The following PLD5 variants were observed in gnomAD, a reference collection of about 807,000 sequenced individuals.
PLD5 encodes phospholipase D family member 5.
In PLD5, 36 loss-of-function variants were observed where a neutral mutation model predicts 61.1. The observed-to-expected ratio is 0.59, with a 90% CI of 0.45 to 0.78. The LOEUF (loss-of-function observed/expected upper bound fraction) is 0.78, where lower values mean the gene tolerates loss of function less well. Ranked by LOEUF, PLD5 falls within the 30% of genes least tolerant of loss-of-function variation. PLD5 has a pLI of 0.00. For missense variants in PLD5, 515 were observed against 644.4 expected (o/e 0.80, Z 2.17); for synonymous variants, 243 against 242.8 (o/e 1.00, Z -0.01).
intron 5 of PLD5, among the ~76,000 whole-genome samples, chr1:242,163,142 C>CTTTT (rs1484018271): frequency 7.6e-6 from 1 of 131,146 alleles, no homozygotes. Flanking sequence ...ATTTTCTTTT[C>CTTTT]TTTTCTTTCT....
At chr1:242,287,510 A>G (rs893075841) in intron 3 of PLD5, among the ~76,000 whole-genome samples, 28 of 152,030 alleles carry the variant, frequency 1.8e-4, no homozygotes, top group Non-Finnish European at 3.5e-4. Flanking sequence ...GTAACTTTTG[A>G]CTTTAAAATA....
rs144390106 is a variant in PLD5 at position 242,303,746 on chromosome 1, T to C, written c.327-15216A>G. On this transcript the variant is annotated intron_variant, in intron 2 of 9. Coordinates refer to ENST00000536534, the MANE Select transcript of PLD5 (RefSeq NM_001372062.1). ...AAACGAAGAGCCAGGAAAAAGATAG[T>C]AGAGCAGACTCAAGTCCTTGACACC... Among the ~76,000 whole-genome samples the C allele has an allele frequency of 9.8e-4, 149 of 152,336 alleles. 2 individuals carry two copies. In the East Asian group the frequency reaches 0.021, roughly 22 times the overall value.
intron 1 of PLD5, among the ~76,000 whole-genome samples, chr1:242,485,245 A>G (rs1178686206): frequency 1.3e-5 from 2 of 152,214 alleles, no homozygotes; most frequent in Middle Eastern, 3.2e-3. Flanking sequence ...AGGGTATTCA[A>G]TTAGGAAAAA....
chr1:242,154,553 AG>A (rs1398883000), intron 5 of PLD5, among the ~76,000 whole-genome samples: 5 of 152,260 alleles, frequency 3.3e-5, no homozygotes, highest in African/African-American at 1.2e-4. Context: ...TTTAGCACGA[AG>A]GGGTGTTGAA....
rs773778605 is a variant in PLD5 at position 242,086,245 on chromosome 1, CA to C, written c.*3608del. The C allele has an allele frequency of 6.6e-6, 1 of 152,136 alleles. No individual in the cohort carries two copies. Among genetic ancestry groups the C allele is most frequent in the Non-Finnish European group, 1.5e-5 (1 of 68,042 alleles). The allele number at this position is 152,136 out of a possible 1,614,324, so 9.4% of individuals were successfully genotyped here. A position where few individuals can be genotyped will look rare whatever the true frequency, so the allele number is the denominator to read the frequency against. ...AATGGTGCCCAGAGTTACACAGGTG[CA>C]AAGTGTATCCGCAGACCTTTTGTTT... On this transcript the variant is annotated 3_prime_UTR_variant, in exon 10 of 10. Transcript: ENST00000536534.
intron 5 of PLD5, among the ~76,000 whole-genome samples, chr1:242,129,939 C>T (rs1359812061): frequency 1.3e-5 from 2 of 152,144 alleles, no homozygotes; most frequent in African/African-American, 4.8e-5. Context: ...TAGTGGCCTC[C>T]AGTTCCATCC....
chr1:242,194,616 ATGTATCTATCT>A (rs1668504357), intron 5 of PLD5, among the ~76,000 whole-genome samples: 1 of 65,608 alleles, frequency 1.5e-5, no homozygotes, highest in African/African-American at 5.7e-5. Flanking sequence ...GTATCTATCT[ATGTATCTATCT>A]ATCTATCTAT....
chr1:242,169,412 C>T (rs316891), intron 5 of PLD5, among the ~76,000 whole-genome samples: 127,426 of 152,142 alleles, frequency 0.84, 53,865 homozygotes, highest in African/African-American at 0.95. Flanking sequence ...CCAGCCCTGA[C>T]ACTGCACTTT....
intron 4 of PLD5, among the ~76,000 whole-genome samples, chr1:242,228,869 TC>T (rs1401158552): frequency 6.6e-6 from 1 of 152,200 alleles, no homozygotes; most frequent in Non-Finnish European, 1.5e-5. Context: ...TTCATGACTT[TC>T]TGTGAGTTCC....
At chr1:242,518,331 G>A (rs570589348) in intron 1 of PLD5, among the ~76,000 whole-genome samples, 14 of 152,236 alleles carry the variant, frequency 9.2e-5, no homozygotes, top group African/African-American at 2.6e-4. Context: ...CAACATTTAC[G>A]TTGTACCCTA....
intron 1 of PLD5, among the ~76,000 whole-genome samples, chr1:242,451,772 A>G (rs762153503): frequency 2.2e-4 from 34 of 152,016 alleles, no homozygotes; most frequent in Non-Finnish European, 7.4e-5. Flanking sequence ...AAATTCTTGA[A>G]TGGCAACCTA....
intron 5 of PLD5, among the ~76,000 whole-genome samples, chr1:242,144,490 A>G (rs190415255): frequency 3.9e-5 from 6 of 152,246 alleles, no homozygotes; most frequent in Admixed American, 3.9e-4. Flanking sequence ...GGGGATAGAG[A>G]ATGAAAACAG....
chr1:242,103,532 A>T (rs1329680944), intron 8 of PLD5, among the ~76,000 whole-genome samples: 2 of 152,310 alleles, frequency 1.3e-5, no homozygotes, highest in South Asian at 4.1e-4. Context: ...AATTATCTGG[A>T]AAATGCTGTT....
At chr1:242,328,074 TA>T (rs1658907662) in intron 2 of PLD5, among the ~76,000 whole-genome samples, 1 of 151,924 alleles carries the variant, frequency 6.6e-6, no homozygotes, top group Non-Finnish European at 1.5e-5. Context: ...ACCCTGCTGC[TA>T]AAAACAAAAC....
intron 5 of PLD5, among the ~76,000 whole-genome samples, chr1:242,213,173 A>T (rs1056510551): frequency 1.4e-4 from 21 of 152,184 alleles, no homozygotes; most frequent in Non-Finnish European, 2.6e-4. Context: ...CTGTTTTTAT[A>T]TGATTCCCCT....
chr1:242,405,127 T>A (rs1178922786), intron 1 of PLD5, among the ~76,000 whole-genome samples: 2 of 152,032 alleles, frequency 1.3e-5, no homozygotes, highest in Admixed American at 1.3e-4. Flanking sequence ...GTGATTCACC[T>A]GCCTTGGCCT....
rs1205043795 is a variant in PLD5 at position 242,256,044 on chromosome 1, C to G, written c.607+9293G>C. The stretch of plus-strand genomic sequence containing the variant: ...TAGGTCCCTGTGGCTATTGGTTATT[C>G]ACTAATATGGGTAAGGCTCTGTCTA... On this transcript the variant is annotated intron_variant, in intron 4 of 9. Transcript: ENST00000536534. The surrounding 1 kb of genome is among the most constrained non-coding windows in gnomAD (Gnocchi z 5.7). Among the ~76,000 whole-genome samples, 1 of 152,144 alleles carries G rather than the reference C, an allele frequency of 6.6e-6. No homozygotes were observed. The highest frequency in any genetic ancestry group is 1.5e-5 in the Non-Finnish European group (1 of 68,034).
intron 4 of PLD5, among the ~76,000 whole-genome samples, chr1:242,265,049 C>T (rs1018726233): frequency 3.9e-5 from 6 of 152,146 alleles, no homozygotes; most frequent in African/African-American, 7.2e-5. Context: ...GTAATCACAC[C>T]GTTGAAGTGT....
intron 5 of PLD5, among the ~76,000 whole-genome samples, chr1:242,193,701 C>CT (rs746091991): frequency 1.1e-4 from 17 of 152,192 alleles, no homozygotes; most frequent in Non-Finnish European, 2.4e-4. Context: ...GAGCAGTTGC[C>CT]TTGGTTTAGC....
Sources: allele counts gnomAD v4.1 joint callset (sites outside exome capture counted in the v4.1 genomes callset), GRCh38; gene constraint gnomAD v4.1.1; non-coding constraint Gnocchi (gnomAD v3.1); transcripts MANE v1.5; gene names NCBI Gene and HGNC (gene_info 2026-07-23, HGNC 2026-07-21).